The following PCDH9 variants were observed in gnomAD, a reference collection of about 807,000 sequenced individuals.
PCDH9 encodes protocadherin-9.
A neutral mutation model predicts 70.6 loss-of-function variants in PCDH9; 24 were observed. The observed-to-expected ratio is 0.34, with a 90% CI of 0.25 to 0.48. The LOEUF is 0.48. Among genes scored for constraint, PCDH9 ranks in the 20% least tolerant of loss-of-function variants. The pLI is 0.99. For synonymous variants in PCDH9, 562 were observed against 558.5 expected (o/e 1.01, Z -0.09); for missense variants, 1,281 against 1,503.6 (o/e 0.85, Z 2.45).
intron 4 of PCDH9, among the ~76,000 whole-genome samples, chr13:66,584,308 C>T (rs962613880): frequency 1.3e-5 from 2 of 151,974 alleles, no homozygotes; most frequent in Admixed American, 6.6e-5. Context: ...CAAAGCAATC[C>T]GAATAAAATA....
chr13:66,801,834 T>A (rs2080331395), intron 3 of PCDH9, among the ~76,000 whole-genome samples: 1 of 152,024 alleles, frequency 6.6e-6, no homozygotes, highest in Non-Finnish European at 1.5e-5. Flanking sequence ...ATTAAAAAAA[T>A]CTATACAGCA....
intron 3 of PCDH9, among the ~76,000 whole-genome samples, chr13:66,693,664 T>C (rs2078519157): frequency 6.6e-6 from 1 of 152,220 alleles, no homozygotes; most frequent in Admixed American, 6.5e-5. Context: ...TTTAGCAGAC[T>C]TTATATTTTC....
At chr13:67,101,292 A>T (rs1307405291) in intron 2 of PCDH9, among the ~76,000 whole-genome samples, 1 of 152,236 alleles carries the variant, frequency 6.6e-6, no homozygotes, top group Non-Finnish European at 1.5e-5. Context: ...AACATCATTC[A>T]CTGAATGAGC....
intron 2 of PCDH9, among the ~76,000 whole-genome samples, chr13:67,108,425 A>C (rs2086590527): frequency 6.6e-6 from 1 of 152,244 alleles, no homozygotes; most frequent in Non-Finnish European, 1.5e-5. Flanking sequence ...AAATGTGTTA[A>C]ATTGTGACAG....
chr13:66,411,783 A>T (rs1289985159), intron 4 of PCDH9, among the ~76,000 whole-genome samples: 1 of 152,190 alleles, frequency 6.6e-6, no homozygotes, highest in Non-Finnish European at 1.5e-5. Flanking sequence ...TACAACTTTT[A>T]CTATGTAAAG....
chr13:66,581,712 G>T (rs2138782712), intron 4 of PCDH9, among the ~76,000 whole-genome samples: 1 of 152,236 alleles, frequency 6.6e-6, no homozygotes, highest in Non-Finnish European at 1.5e-5. Context: ...GTGTGCCCAA[G>T]AAATGAAGTG....
At chr13:66,625,082 T>C (rs1356258497) in intron 4 of PCDH9, among the ~76,000 whole-genome samples, 5 of 152,260 alleles carry the variant, frequency 3.3e-5, no homozygotes, top group African/African-American at 1.2e-4. Context: ...TAAGGCAAAT[T>C]CCAGACATCA....
chr13:66,504,255 G>T (rs1959192422), intron 4 of PCDH9, among the ~76,000 whole-genome samples: 1 of 152,116 alleles, frequency 6.6e-6, no homozygotes, highest in Non-Finnish European at 1.5e-5. Flanking sequence ...AGCACATTTT[G>T]ATATTTGTGA....
intron 2 of PCDH9, among the ~76,000 whole-genome samples, chr13:67,190,454 G>A (rs1047209883): frequency 4.4e-5 from 5 of 113,566 alleles, no homozygotes; most frequent in African/African-American, 1.5e-4. Flanking sequence ...AAATTAAGAG[G>A]AAATATTTTG....
intron 2 of PCDH9, among the ~76,000 whole-genome samples, chr13:67,083,061 C>T (rs1044457603): frequency 6.6e-6 from 1 of 151,998 alleles, no homozygotes; most frequent in African/African-American, 2.4e-5. Flanking sequence ...ATATAAAGTC[C>T]TAGTTCACCC....
chr13:66,572,928 T>C (rs2076754241), intron 4 of PCDH9, among the ~76,000 whole-genome samples: 1 of 151,988 alleles, frequency 6.6e-6, no homozygotes, highest in Admixed American at 6.6e-5. Flanking sequence ...CCTGGCTAAG[T>C]TTTTTATTTT....
intron 2 of PCDH9, chr13:67,222,090 G>A (rs1220461299): frequency 1.3e-5 from 2 of 152,146 alleles, no homozygotes; most frequent in East Asian, 3.9e-4. Context: ...ATTCCACAGG[G>A]AGAATCAGTA....
chr13:66,557,462 C>T (rs1055086719), intron 4 of PCDH9, among the ~76,000 whole-genome samples: 4 of 152,102 alleles, frequency 2.6e-5, no homozygotes, highest in African/African-American at 9.7e-5. Flanking sequence ...TAGGATATTT[C>T]TTTCACAGAT....
intron 4 of PCDH9, among the ~76,000 whole-genome samples, chr13:66,361,360 G>C (rs1956468033): frequency 6.6e-6 from 1 of 152,032 alleles, no homozygotes; most frequent in Non-Finnish European, 1.5e-5. Flanking sequence ...TTAAATGTGG[G>C]TAAATAATTA....
At chr13:66,560,581 G>C (rs772525516) in intron 4 of PCDH9, among the ~76,000 whole-genome samples, 1 of 152,134 alleles carries the variant, frequency 6.6e-6, no homozygotes, top group African/African-American at 2.4e-5. Flanking sequence ...AGCACAGCCC[G>C]GCCATCCAGT....
chr13:66,406,452 A>AATATTTAC lies in PCDH9; in HGVS notation c.3341-101432_3341-101425dup, dbSNP rs546594406. Among the ~76,000 whole-genome samples, 1,075 of 152,312 alleles carry AATATTTAC rather than the reference A, an allele frequency of 7.1e-3. 9 individuals carry two copies. Among genetic ancestry groups the AATATTTAC allele is most frequent in the Non-Finnish European group, 7.5e-3 (509 of 68,022 alleles). On this transcript the variant is annotated intron_variant, in intron 4 of 4. Transcript: ENST00000377865. The stretch of plus-strand genomic sequence containing the variant: ...CACACATCAAGCATTACTGACAACT[A>AATATTTAC]ATATTTACTGTAACGCTTCCCATTA...
At chr13:67,156,374 A>T (rs1369662611) in intron 2 of PCDH9, among the ~76,000 whole-genome samples, 1 of 152,110 alleles carries the variant, frequency 6.6e-6, no homozygotes, top group African/African-American at 2.4e-5. Context: ...GAGCACATCA[A>T]TGAAAGAAGG....
intron 2 of PCDH9, chr13:67,211,397 A>G (rs2138082918): frequency 6.6e-6 from 1 of 152,164 alleles, no homozygotes; most frequent in South Asian, 2.1e-4. Flanking sequence ...TCTGGCAATA[A>G]AGATTTATCT....
intron 2 of PCDH9, among the ~76,000 whole-genome samples, chr13:67,073,041 C>T (rs545983781): frequency 6.6e-6 from 1 of 152,162 alleles, no homozygotes; most frequent in East Asian, 1.9e-4. Context: ...CACATTTAAA[C>T]ATGTTCAATT....
Sources: allele counts gnomAD v4.1 joint callset (sites outside exome capture counted in the v4.1 genomes callset), GRCh38; gene constraint gnomAD v4.1.1; transcripts MANE v1.5; gene names NCBI Gene and HGNC (gene_info 2026-07-23, HGNC 2026-07-21).